Variants in ZFHX3 observed in about 807,000 individuals in gnomAD.
The protein encoded by ZFHX3 is zinc finger homeobox 3, also known as zinc finger homeobox protein 3.
In ZFHX3, 42 loss-of-function variants were observed where a neutral mutation model predicts 279.1. The observed-to-expected ratio is 0.15, with a 90% CI of 0.12 to 0.19. ZFHX3 has a LOEUF of 0.19. Among genes scored for constraint, ZFHX3 ranks in the 10% least tolerant of loss-of-function variants. The probability of loss-of-function intolerance (pLI) is 1.00; values close to 1 mark genes in which losing one functional copy is unlikely to be tolerated. For synonymous variants in ZFHX3, 2,293 were observed against 1,957.8 expected, an observed-to-expected ratio of 1.17 and a Z score of -4.52; for missense variants, 4,981 against 4,754.0, an observed-to-expected ratio of 1.05 and a Z score of -1.40.
chr16:73,305,317 A>T (rs78380623), intron 4 of ZFHX3, among the ~76,000 whole-genome samples: 246 of 152,250 alleles, frequency 1.6e-3, no homozygotes, highest in African/African-American at 5.8e-3. Flanking sequence ...GTTTGGGTCA[A>T]TACATCATTA....
intron 5 of ZFHX3, among the ~76,000 whole-genome samples, chr16:73,250,556 C>T (rs145828399): frequency 0.075 from 11,473 of 152,056 alleles, 997 homozygotes; most frequent in East Asian, 0.48. Context: ...TTTTTTGAGA[C>T]GGAATCTCGC....
chr16:72,858,444 A>T (rs530303124), intron 4 of ZFHX3, among the ~76,000 whole-genome samples: 2 of 152,304 alleles, frequency 1.3e-5, no homozygotes, highest in African/African-American at 4.8e-5. Context: ...AATGTCCTTC[A>T]AACAAAAGGA....
At chr16:73,518,176 G>A (rs2019554946) in intron 2 of ZFHX3, among the ~76,000 whole-genome samples, 1 of 152,160 alleles carries the variant, frequency 6.6e-6, no homozygotes, top group Admixed American at 6.5e-5. Context: ...ACAGGTCTCA[G>A]GGATACAGGC....
chr16:73,537,865 A>T lies in ZFHX3; in HGVS notation c.-1546-81607T>A, dbSNP rs1257643779. Among the ~76,000 whole-genome samples the T allele has an allele frequency of 2.0e-5, 3 of 152,336 alleles. No homozygotes were observed. The East Asian group carries it at 5.8e-4, about 29-fold the overall frequency. On this transcript the variant is annotated intron_variant, in intron 2 of 17. Transcript: ENST00000641206. Reference sequence around the variant, plus strand: ...AGGGTCGTGGCTTTTTTGAAATCCTATGGACTATCAAGCCACAAAGTAGTA... The same window carrying T: ...AGGGTCGTGGCTTTTTTGAAATCCTTTGGACTATCAAGCCACAAAGTAGTA...
chr16:72,939,016 C>T (rs571597494), intron 3 of ZFHX3, among the ~76,000 whole-genome samples: 1 of 75,576 alleles, frequency 1.3e-5, no homozygotes, highest in Non-Finnish European at 3.0e-5. Context: ...GTCTAGGACA[C>T]ATAGCCCTGG....
At chr16:72,847,500 G>A (rs547478896) in intron 4 of ZFHX3, among the ~76,000 whole-genome samples, 33 of 152,170 alleles carry the variant, frequency 2.2e-4, no homozygotes, top group African/African-American at 7.5e-4. Flanking sequence ...GTCAGGCCCC[G>A]GAGTGTTCCA....
chr16:73,267,113 G>A (rs542830668), intron 4 of ZFHX3, among the ~76,000 whole-genome samples: 2 of 152,348 alleles, frequency 1.3e-5, no homozygotes, highest in African/African-American at 2.4e-5. Flanking sequence ...CCTCAGGGCT[G>A]TGGTGTCACT....
chr16:73,023,264 C>T (rs4433830), intron 1 of ZFHX3, among the ~76,000 whole-genome samples: 1 of 152,154 alleles, frequency 6.6e-6, no homozygotes, highest in Non-Finnish European at 1.5e-5. Context: ...ATAGTATTTG[C>T]TGAACAAAAC....
At chr16:73,519,717 T>G (rs913277914) in intron 2 of ZFHX3, among the ~76,000 whole-genome samples, 16 of 152,294 alleles carry the variant, frequency 1.1e-4, no homozygotes, top group Admixed American at 1.0e-3. Context: ...TCAATACTCC[T>G]GTTAGGAGTA....
At chr16:73,369,811 G>T (rs887447595) in intron 3 of ZFHX3, among the ~76,000 whole-genome samples, 6 of 152,014 alleles carry the variant, frequency 3.9e-5, no homozygotes, top group African/African-American at 1.5e-4. Flanking sequence ...AGAACACTAA[G>T]CTTAATTACT....
At chr16:73,305,394 G>A (rs948094431) in intron 4 of ZFHX3, among the ~76,000 whole-genome samples, 6 of 152,054 alleles carry the variant, frequency 3.9e-5, no homozygotes, top group Non-Finnish European at 8.8e-5. Flanking sequence ...GTAAGATACC[G>A]GGCAATCAGT....
At chr16:73,156,212 A>C (rs1432525099) in intron 5 of ZFHX3, among the ~76,000 whole-genome samples, 3 of 143,862 alleles carry the variant, frequency 2.1e-5, no homozygotes, top group Non-Finnish European at 4.5e-5. Flanking sequence ...AGCCTGGGCG[A>C]CAGAGTGAGA....
chr16:73,400,960 G>C (rs556486094), intron 3 of ZFHX3: 2 of 152,180 alleles, frequency 1.3e-5, no homozygotes, highest in Non-Finnish European at 2.9e-5. Context: ...CGTCACCTCC[G>C]AGTAATTCTG....
intron 7 of ZFHX3, among the ~76,000 whole-genome samples, chr16:73,120,339 C>T (rs1966481099): frequency 6.6e-6 from 1 of 152,024 alleles, no homozygotes; most frequent in Admixed American, 6.6e-5. Flanking sequence ...AATCATAGCT[C>T]ATTGCAGCCT....
intron 3 of ZFHX3, among the ~76,000 whole-genome samples, chr16:73,430,168 G>T (rs2017886613): frequency 6.6e-6 from 1 of 152,094 alleles, no homozygotes. Flanking sequence ...GGGATTACAG[G>T]CACGGGTCAC....
intron 7 of ZFHX3, among the ~76,000 whole-genome samples, chr16:73,101,213 G>T (rs1277294497): frequency 6.6e-6 from 1 of 152,076 alleles, no homozygotes; most frequent in East Asian, 1.9e-4. Flanking sequence ...CTCAATTGTG[G>T]TCCATAACCC....
rs75625247 is a variant in ZFHX3, at chr16:72,890,660, C to A, written c.3217-698G>T. 9.8e-3 allele frequency among the ~76,000 whole-genome samples: 1,496 copies of A among 152,344 alleles called. 24 individuals carry two copies. Among genetic ancestry groups the A allele is most frequent in the African/African-American group, 0.033 (1,354 of 41,580 alleles). ...TCACATGGGCCCTCCCAGTGCAACA[C>A]CGGCTTTCCTGGCACAAGGTTAAAG... On this transcript the variant is annotated intron_variant, in intron 3 of 9. Transcript: ENST00000268489.
intron 1 of ZFHX3, among the ~76,000 whole-genome samples, chr16:73,856,152 T>C (rs887416548): frequency 1.3e-5 from 2 of 152,192 alleles, no homozygotes; most frequent in Non-Finnish European, 2.9e-5. Context: ...CAAAAGCTTA[T>C]ATATGCATGG....
At chr16:73,264,779 T>C (rs1359691758) in intron 4 of ZFHX3, among the ~76,000 whole-genome samples, 2 of 152,104 alleles carry the variant, frequency 1.3e-5, no homozygotes, top group Non-Finnish European at 2.9e-5. Flanking sequence ...GTATCATTCT[T>C]ATGCCTTTGC....
Sources: gnomAD v4.1 joint callset for allele counts (sites outside exome capture counted in the v4.1 genomes callset) on GRCh38, gnomAD v4.1.1 for gene constraint, MANE v1.5 for transcripts, NCBI Gene and HGNC (gene_info 2026-07-23, HGNC 2026-07-21) for gene names.